TRIM37: variants seen among roughly 807,000 people sequenced by gnomAD.
TRIM37 encodes tripartite motif containing 37.
In TRIM37, 80 loss-of-function variants were observed where a neutral mutation model predicts 129.8. The observed-to-expected ratio is 0.62, with a 90% CI of 0.51 to 0.74. TRIM37 has a LOEUF of 0.74. Ranked by LOEUF, TRIM37 falls within the 30% of genes least tolerant of loss-of-function variation. The probability of loss-of-function intolerance (pLI) is 0.00; values close to 1 mark genes in which losing one functional copy is unlikely to be tolerated. For missense variants in TRIM37, 1,054 were observed against 1,176.5 expected (o/e 0.90, Z 1.52); for synonymous variants, 389 against 387.1 (o/e 1.00, Z -0.06).
At chr17:58,996,009 A>AAAT (rs146538227), downstream of TRIM37, among the ~76,000 whole-genome samples, 27 of 152,094 alleles carry the variant, frequency 1.8e-4, no homozygotes, top group African/African-American at 6.3e-4. Flanking sequence ...TTCCAAAAAA[A>AAAT]AATAATAATA....
At chr17:58,972,820 A>T in the TRIM37 span, 1 of 1,606,520 alleles carries the variant, frequency 6.2e-7, no homozygotes, top group East Asian at 2.2e-5. Context: ...TTTTTATTGC[A>T]TTGCTGTTTA....
chr17:58,994,362 AT>A (rs1380084262), downstream of TRIM37, among the ~76,000 whole-genome samples: 33 of 152,338 alleles, frequency 2.2e-4, 1 homozygote, highest in South Asian at 1.2e-3. Context: ...AATAAAAAAA[AT>A]AGCACAATAA....
At chr17:59,069,204 G>A (rs2042164734) in intron 9 of TRIM37, among the ~76,000 whole-genome samples, 1 of 151,894 alleles carries the variant, frequency 6.6e-6, no homozygotes, top group African/African-American at 2.4e-5. Flanking sequence ...AAACTTAGCT[G>A]GGCGTGGTGG....
At chr17:59,029,048 T>G (rs1207504447) in intron 18 of TRIM37, among the ~76,000 whole-genome samples, 1 of 152,168 alleles carries the variant, frequency 6.6e-6, no homozygotes, top group Non-Finnish European at 1.5e-5. Flanking sequence ...GAGCTTTTAT[T>G]ATGTTTATAA....
At chr17:58,973,644 A>AAAAAAAC in the TRIM37 span, among the ~76,000 whole-genome samples, 1 of 151,346 alleles carries the variant, frequency 6.6e-6, no homozygotes, top group South Asian at 2.1e-4. Flanking sequence ...TTCATCTCTT[A>AAAAAAAC]AAAAAACAAA....
intron 5 of TRIM37, among the ~76,000 whole-genome samples, chr17:59,083,750 G>T (rs1000296815): frequency 6.6e-6 from 1 of 152,094 alleles, no homozygotes; most frequent in African/African-American, 2.4e-5. Flanking sequence ...ACAACGAAAA[G>T]ATCTGCAAAT....
At position 59,106,585 on chromosome 17, in the gene TRIM37, C is replaced by G. The variant is rs1304082094; in HGVS notation, c.-124G>C. 6 of 1,173,698 alleles carry G rather than the reference C, an allele frequency of 5.1e-6. No homozygotes were observed. Among genetic ancestry groups the G allele is most frequent in the Admixed American group, 2.0e-5 (1 of 50,416 alleles). 72.7% of individuals were successfully genotyped at this position (1,173,698 alleles called of 1,614,324 possible). A position where few individuals can be genotyped will look rare whatever the true frequency, so the allele number is the denominator to read the frequency against. On this transcript the variant is annotated 5_prime_UTR_variant, in exon 1 of 24. Coordinates refer to ENST00000262294, the MANE Select transcript of TRIM37 (RefSeq NM_015294.6). ...AGCCCGGCGCCCACGTCAGGGGGCT[C>G]TGACAACCGCCCCACCTGCGCGCCC...
chr17:59,037,557 C>CAAAAAAAAAA (rs58856834), intron 17 of TRIM37, among the ~76,000 whole-genome samples: 9 of 74,034 alleles, frequency 1.2e-4, no homozygotes, highest in African/African-American at 3.5e-4. Flanking sequence ...GACTCTGTCT[C>CAAAAAAAAAA]AAAAAAAAAA....
chr17:59,033,255 T>A (rs2038085702), intron 17 of TRIM37, among the ~76,000 whole-genome samples: 1 of 152,170 alleles, frequency 6.6e-6, no homozygotes, highest in South Asian at 2.1e-4. Flanking sequence ...AGTTCCATTG[T>A]TCAGAAGCTT....
intron 19 of TRIM37, among the ~76,000 whole-genome samples, chr17:59,022,710 A>T (rs1332000992): frequency 2.0e-5 from 3 of 152,200 alleles, no homozygotes; most frequent in Non-Finnish European, 4.4e-5. Context: ...GTTAGCCATT[A>T]TTGGTATTGT....
At position 58,999,022 on chromosome 17, in the gene TRIM37, C is replaced by T. The variant is rs1256943759; in HGVS notation, c.*355G>A. 3 of 1,122,834 alleles carry T rather than the reference C, an allele frequency of 2.7e-6. No homozygotes were observed. Among genetic ancestry groups the T allele is most frequent in the Admixed American group, 4.7e-5 (1 of 21,444 alleles). 69.6% of individuals were successfully genotyped at this position (1,122,834 alleles called of 1,614,324 possible). On this transcript the variant is annotated 3_prime_UTR_variant, in exon 24 of 24. Coordinates refer to ENST00000262294, the MANE Select transcript of TRIM37 (RefSeq NM_015294.6). ...AAGACAGTAGAGCACCAATGCCGGG[C>T]GGGTTACTGACGGCATGCAGGGCCT... is the stretch of plus-strand genomic sequence containing the variant.
intron 19 of TRIM37, among the ~76,000 whole-genome samples, chr17:59,024,574 T>C (rs1483305281): frequency 1.3e-5 from 2 of 152,188 alleles, no homozygotes; most frequent in East Asian, 1.9e-4. Context: ...GTTGCCCAGA[T>C]TGGAGTGCAG....
chr17:59,081,346 T>C (rs2147057386), intron 5 of TRIM37, 127 bp from the exon 6 acceptor site: 2 of 1,366,714 alleles, frequency 1.5e-6, no homozygotes, highest in Middle Eastern at 2.2e-4. Flanking sequence ...TATTAGCTAA[T>C]TTAATTTTGT....
intron 24 of TRIM37, among the ~76,000 whole-genome samples, chr17:58,992,250 T>C (rs1209692986): frequency 4.1e-5 from 6 of 145,096 alleles, no homozygotes; most frequent in African/African-American, 1.3e-4. Flanking sequence ...CACACTGATA[T>C]ATATATATAT....
At position 59,033,259 on chromosome 17, in the gene TRIM37, G is replaced by A. The variant is rs532896882; in HGVS notation, c.1754-1169C>T. 1.2e-4 allele frequency among the ~76,000 whole-genome samples: 19 copies of A among 152,292 alleles called. No individual in the cohort carries two copies. In the South Asian group the frequency reaches 3.7e-3, roughly 30 times the overall value. On this transcript the variant is annotated intron_variant, in intron 17 of 23. Transcript: ENST00000262294. ...CTTAGGAGGAAAGTTCCATTGTTCA[G>A]AAGCTTCAAGCCAATTAATAATTTA...
chr17:59,032,025 C>G lies in TRIM37; in HGVS notation c.1819G>C (p.Ala607Pro). Residue 607 changes from alanine to proline, a missense_variant, in exon 18 of 24, where the codon GCT (alanine) becomes CCT (proline). Coordinates refer to ENST00000262294, the MANE Select transcript of TRIM37 (RefSeq NM_015294.6). ...ISRRTHLCSA[A>P]TSSLLDIDPL... ...TCAATGTCTAGTAAACTACTGGTAG[C>G]AGCGGAGCATAAATGTGTTCTTCTT... 6.2e-7 allele frequency: 1 copy of G among 1,614,204 alleles called. No individual in the cohort carries two copies. The highest frequency in any genetic ancestry group is 8.5e-7 in the Non-Finnish European group (1 of 1,180,038).
intron 16 of TRIM37, 79 bp downstream of exon 16, chr17:59,047,604 A>G (rs1449138771): frequency 7.1e-7 from 1 of 1,417,034 alleles, no homozygotes; most frequent in Non-Finnish European, 9.8e-7. Context: ...GAATATCCCT[A>G]CATTTAAGTG....
chr17:58,990,422 T>C (rs998496622), intron 24 of TRIM37, among the ~76,000 whole-genome samples: 6 of 150,622 alleles, frequency 4.0e-5, no homozygotes, highest in African/African-American at 1.5e-4. Context: ...ACCTTGGAGA[T>C]GGAGGTTGTA....
Position 59,015,746 on chromosome 17 carries a change from T to C in TRIM37, c.2440A>G (p.Ile814Val). The C allele has an allele frequency of 6.2e-7, 1 of 1,614,070 alleles. No individual in the cohort carries two copies. The highest frequency in any genetic ancestry group is 8.5e-7 in the Non-Finnish European group (1 of 1,180,020). ...GSRHSSPRALIHGSIGDILPK... is the reference protein window; with the variant it reads ...GSRHSSPRALVHGSIGDILPK... Reference sequence around the variant, plus strand: ...AGAATATCACCGATACTGCCATGTATCAAGGCTCGGGGAGAACTGTGCCTG... The same window carrying C: ...AGAATATCACCGATACTGCCATGTACCAAGGCTCGGGGAGAACTGTGCCTG... The change falls in exon 21 of 24, where the codon ATA (isoleucine) becomes GTA (valine). Residue 814 changes from isoleucine to valine, a missense_variant. Physicochemically the swap from Ile to Val is conservative, Grantham distance 29. Around this residue, in one of 3 missense-constraint regions of TRIM37, gnomAD observed 287 missense variants for 274.3 expected, o/e 1.05. Transcript: ENST00000262294.
Sources: gnomAD v4.1 joint callset for allele counts (sites outside exome capture counted in the v4.1 genomes callset) on GRCh38, gnomAD v4.1.1 for gene constraint, gnomAD v4.1.1 regional missense constraint, MANE v1.5 for transcripts, NCBI Gene and HGNC (gene_info 2026-07-23, HGNC 2026-07-21) for gene names.